COLEC10: variants seen among roughly 807,000 people sequenced by gnomAD.
COLEC10 encodes the protein collectin-10.
Under a neutral mutation model 28.4 loss-of-function variants are expected in COLEC10, and 22 were observed. The observed-to-expected ratio is 0.78, with a 90% CI of 0.55 to 1.11. The LOEUF is 1.11. Ranked by LOEUF, COLEC10 falls within the 50% of genes least tolerant of loss-of-function variation. The probability of loss-of-function intolerance (pLI) is 0.00; values close to 1 mark genes in which losing one functional copy is unlikely to be tolerated. For missense variants in COLEC10, 361 were observed against 344.1 expected, an observed-to-expected ratio of 1.05 and a Z score of -0.39; for synonymous variants, 125 against 116.1, an observed-to-expected ratio of 1.08 and a Z score of -0.49.
intron 2 of COLEC10, among the ~76,000 whole-genome samples, chr8:119,028,111 G>A (rs1049138104): frequency 3.3e-5 from 5 of 152,132 alleles, no homozygotes; most frequent in Non-Finnish European, 7.3e-5. Context: ...TCACCTACTT[G>A]TCTCCCCCAT....
At position 119,089,323 on chromosome 8, in the gene COLEC10, C is replaced by CTG. The variant is rs140475138; in HGVS notation, c.149-342_149-341dup. 9.6e-3 allele frequency among the ~76,000 whole-genome samples: 1,446 copies of CTG among 150,652 alleles called. 24 individuals carry two copies. Among genetic ancestry groups the CTG allele is most frequent in the African/African-American group, 0.033 (1,367 of 41,172 alleles). On this transcript the variant is annotated intron_variant, in intron 1 of 5. Transcript: ENST00000332843. ...AGAGAGTAATAAGTTATGTGTGCCTCTGTGTGTGTGTGTGTGCGTGTGTGT... is the reference window on the plus strand; with the variant it reads ...AGAGAGTAATAAGTTATGTGTGCCTCTGTGTGTGTGTGTGTGTGCGTGTGTGT...
rs149461323 is a variant in COLEC10, at chr8:119,072,850, C to T, written c.148+5421C>T. ...CCCTATCCTCTGGGATAATTCCTTTCTCAGAAGACCTCTTAGCAACTGAAA... is the reference window on the plus strand; with the variant it reads ...CCCTATCCTCTGGGATAATTCCTTTTTCAGAAGACCTCTTAGCAACTGAAA... On this transcript the variant is annotated intron_variant, in intron 1 of 5. Coordinates refer to ENST00000332843, the MANE Select transcript of COLEC10 (RefSeq NM_006438.5). Among the ~76,000 whole-genome samples the T allele has an allele frequency of 8.5e-5, 13 of 152,310 alleles. No individual in the cohort carries two copies. The East Asian group carries it at 2.5e-3, about 29-fold the overall frequency.
rs1815353291 is a variant in COLEC10 at position 119,080,835 on chromosome 8, T to A, written c.149-8845T>A. Reference sequence around the variant, plus strand: ...ATTTATTCCTTCCTTCTCTAAATGATGTCATACATACACAAATATAATACT... The same window carrying A: ...ATTTATTCCTTCCTTCTCTAAATGAAGTCATACATACACAAATATAATACT... On this transcript the variant is annotated intron_variant, in intron 1 of 5. Transcript: ENST00000332843. 2.6e-5 allele frequency among the ~76,000 whole-genome samples: 4 copies of A among 152,150 alleles called. No individual in the cohort carries two copies. The South Asian group carries it at 8.3e-4, about 31-fold the overall frequency.
chr8:118,982,161 T>A, the COLEC10 span, among the ~76,000 whole-genome samples: 3 of 152,124 alleles, frequency 2.0e-5, no homozygotes, highest in African/African-American at 7.2e-5. Flanking sequence ...CTTTTAATAC[T>A]TACCTATCTA....
chr8:119,070,345 A>C (rs1815077328), intron 1 of COLEC10, among the ~76,000 whole-genome samples: 1 of 152,116 alleles, frequency 6.6e-6, no homozygotes, highest in Admixed American at 6.6e-5. Flanking sequence ...TTTGAGAATA[A>C]GTTATCAAAA....
chr8:119,086,561 G>A (rs1815485190), intron 1 of COLEC10, among the ~76,000 whole-genome samples: 1 of 152,128 alleles, frequency 6.6e-6, no homozygotes, highest in Non-Finnish European at 1.5e-5. Flanking sequence ...AGTCACATGG[G>A]TTGAAGGATA....
rs147159764 is a variant in COLEC10 at position 119,096,791 on chromosome 8, G to C, written c.293-5557G>C. Among the ~76,000 whole-genome samples, 329 of 152,020 alleles carry C rather than the reference G, an allele frequency of 2.2e-3. 1 individual carries two copies. Among genetic ancestry groups the C allele is most frequent in the African/African-American group, 7.6e-3 (315 of 41,514 alleles). On this transcript the variant is annotated intron_variant, in intron 3 of 5. Coordinates refer to ENST00000332843, the MANE Select transcript of COLEC10 (RefSeq NM_006438.5). Reference sequence around the variant, plus strand: ...AGAAATAAAAAAGGTCAAAAGAATAGTCACTTAACAAAAGAACATATTTGA... The same window carrying C: ...AGAAATAAAAAAGGTCAAAAGAATACTCACTTAACAAAAGAACATATTTGA...
At chr8:118,998,017 A>G (rs1395314050) in intron 1 of COLEC10, among the ~76,000 whole-genome samples, 2 of 152,222 alleles carry the variant, frequency 1.3e-5, no homozygotes, top group African/African-American at 4.8e-5. Context: ...TGTTCAACAT[A>G]TGATCAATCA....
chr8:119,067,299 C>T lies in COLEC10; in HGVS notation c.18C>T (p.Ser6=). Reference sequence around the variant, plus strand: ...CCACAGCAATGAATGGCTTTGCATCCTTGCTTCGAAGAAACCAATTTATCC... The same window carrying T: ...CCACAGCAATGAATGGCTTTGCATCTTTGCTTCGAAGAAACCAATTTATCC... MNGFA[S]LLRRNQFILL... Residue 6 remains serine, a synonymous_variant, in exon 1 of 6, where the codon TCC becomes TCT. Transcript: ENST00000332843. 6.2e-7 allele frequency: 1 copy of T among 1,613,866 alleles called. No individual in the cohort carries two copies. The highest frequency in any genetic ancestry group is 1.1e-5 in the South Asian group (1 of 91,060).
At chr8:119,069,330 G>A (rs1054617228) in intron 1 of COLEC10, among the ~76,000 whole-genome samples, 2 of 151,860 alleles carry the variant, frequency 1.3e-5, no homozygotes, top group Non-Finnish European at 2.9e-5. Context: ...GGCCAGGTGT[G>A]TTGCCTGCAA....
chr8:119,089,958 T>A (rs1238574322), intron 2 of COLEC10, among the ~76,000 whole-genome samples: 1 of 152,184 alleles, frequency 6.6e-6, no homozygotes, highest in Non-Finnish European at 1.5e-5. Context: ...TCAAGTTGCA[T>A]TCTTTAGGGC....
chr8:119,076,293 C>T (rs1815235100), intron 1 of COLEC10, among the ~76,000 whole-genome samples: 1 of 144,508 alleles, frequency 6.9e-6, no homozygotes, highest in South Asian at 2.2e-4. Context: ...CGGAGTTTTG[C>T]TCTTGTTGCC....
intron 2 of COLEC10, among the ~76,000 whole-genome samples, chr8:119,021,680 T>C (rs1814099227): frequency 6.6e-6 from 1 of 152,140 alleles, no homozygotes. Context: ...GGAATGTTCT[T>C]CTATGGTTCA....
chr8:118,967,910 T>C, the COLEC10 span, among the ~76,000 whole-genome samples: 4 of 152,014 alleles, frequency 2.6e-5, no homozygotes, highest in Admixed American at 2.0e-4. Flanking sequence ...GGGTGGATAA[T>C]TAAGGATGGT....
rs530818480 is a variant in COLEC10, at chr8:119,055,581, G to A, written n.236-34099G>A. On this transcript the variant is annotated intron_variant and non_coding_transcript_variant, in intron 2 of 6. Transcript: ENST00000521788. ...CTCAAAAATGTCAAGTCACAACTCA[G>A]GTTTAACAGTTTCTATTACACATAT... is the stretch of plus-strand genomic sequence containing the variant. Among the ~76,000 whole-genome samples, 10 of 152,036 alleles carry A rather than the reference G, an allele frequency of 6.6e-5. No homozygotes were observed. In the South Asian group the frequency reaches 1.9e-3, roughly 28 times the overall value.
chr8:119,062,797 GT>G (rs2130199555), upstream of COLEC10: 1 of 152,072 alleles, frequency 6.6e-6, no homozygotes, highest in East Asian at 1.9e-4. Context: ...TTTAAATGCG[GT>G]TTTAAAATAT....
At chr8:118,977,786 A>AT in the COLEC10 span, among the ~76,000 whole-genome samples, 9 of 151,374 alleles carry the variant, frequency 5.9e-5, no homozygotes, top group African/African-American at 2.2e-4. Flanking sequence ...CAACTAAAAA[A>AT]AATATATATA....
intron 2 of COLEC10, among the ~76,000 whole-genome samples, chr8:119,052,815 T>G (rs1814696524): frequency 6.6e-6 from 1 of 152,124 alleles, no homozygotes; most frequent in Non-Finnish European, 1.5e-5. Flanking sequence ...TAGAACTTAT[T>G]AACAAATTTA....
At chr8:119,070,014 G>C (rs1485300) in intron 1 of COLEC10, among the ~76,000 whole-genome samples, 111,246 of 151,958 alleles carry the variant, frequency 0.73, 41,790 homozygotes, top group African/African-American at 0.9. Flanking sequence ...TTGCAGAATG[G>C]CATTTGTGAA....
Sources: gnomAD v4.1 joint callset for allele counts (sites outside exome capture counted in the v4.1 genomes callset) on GRCh38, gnomAD v4.1.1 for gene constraint, MANE v1.5 for transcripts, NCBI Gene and HGNC (gene_info 2026-07-23, HGNC 2026-07-21) for gene names.